The following FHDC1 variants were observed in gnomAD, a reference collection of about 807,000 sequenced individuals.
FHDC1 encodes the protein FH2 domain containing 1.
FHDC1 carries 25 observed loss-of-function variants against 52.6 expected under a neutral mutation model. The ratio of observed to expected loss-of-function variants is 0.48; its 90% CI spans 0.35 to 0.66. The LOEUF (loss-of-function observed/expected upper bound fraction) is 0.66, where lower values mean the gene tolerates loss of function less well. FHDC1 is among the 30% of genes least tolerant of loss of function. The probability of loss-of-function intolerance (pLI) is 0.01; values close to 1 mark genes in which losing one functional copy is unlikely to be tolerated. For synonymous variants in FHDC1, 616 were observed against 581.5 expected, an observed-to-expected ratio of 1.06 and a Z score of -0.85; for missense variants, 1,459 against 1,452.8, an observed-to-expected ratio of 1.00 and a Z score of -0.07.
rs759610313 is a variant in FHDC1 at position 152,975,308 on chromosome 4, C to G, written c.2017C>G (p.His673Asp). Reference protein sequence around the residue: ...LSPLALGIKEHELVTGLAQFN... With the variant: ...LSPLALGIKEDELVTGLAQFN... ...GCCATTGGCTCTGGGAATTAAGGAGCATGAGCTGGTGACAGGGCTGGCCCA... is the reference window on the plus strand; with the variant it reads ...GCCATTGGCTCTGGGAATTAAGGAGGATGAGCTGGTGACAGGGCTGGCCCA... Residue 673 changes from histidine (H) to aspartate (D), a missense_variant, in exon 12 of 12, where the codon CAT becomes GAT. This residue lies in a region of FHDC1 where 939 missense variants were observed against 854.5 expected (regional missense o/e 1.10). Coordinates refer to ENST00000511601, the MANE Select transcript of FHDC1 (RefSeq NM_001371116.1). 3 of 1,613,678 alleles carry G rather than the reference C, an allele frequency of 1.9e-6. No individual in the cohort carries two copies. In the South Asian group the frequency reaches 3.3e-5, roughly 18 times the overall value.
chr4:152,969,870 C>T (rs11099863), intron 10 of FHDC1, among the ~76,000 whole-genome samples: 88,600 of 151,878 alleles, frequency 0.58, 29,785 homozygotes, highest in Non-Finnish European at 0.75. Context: ...GGGGTTTCAC[C>T]GTGTTAGCCA....
intron 10 of FHDC1, among the ~76,000 whole-genome samples, chr4:152,970,732 C>T (rs1358989792): frequency 3.9e-5 from 6 of 152,314 alleles, no homozygotes; most frequent in Non-Finnish European, 7.4e-5. Context: ...TGGTTACTTT[C>T]TCTGGTATTT....
chr4:152,936,900 G>T (rs958958936), intron 1 of FHDC1, among the ~76,000 whole-genome samples: 1 of 152,282 alleles, frequency 6.6e-6, no homozygotes, highest in Non-Finnish European at 1.5e-5. Flanking sequence ...GCCACGCCTG[G>T]CCCCTGACAC....
At chr4:152,959,424 C>T (rs572077495) in intron 4 of FHDC1, among the ~76,000 whole-genome samples, 194 of 152,262 alleles carry the variant, frequency 1.3e-3, no homozygotes, top group African/African-American at 4.4e-3. Context: ...TCCTGTATTA[C>T]GGGTGAAGGA....
chr4:152,954,285 G>A lies in FHDC1; in HGVS notation c.629G>A (p.Arg210Gln), dbSNP rs371895499. The change falls in exon 4 of 12, where the codon CGA (arginine) becomes CAA (glutamine). Residue 210 changes from arginine (R) to glutamine (Q), a missense_variant. Physicochemically the swap from Arg to Gln is conservative, Grantham distance 43. Around this residue, in one of 3 missense-constraint regions of FHDC1, gnomAD observed 513 missense variants for 581.5 expected, o/e 0.88. Coordinates refer to ENST00000511601, the MANE Select transcript of FHDC1 (RefSeq NM_001371116.1). The stretch of plus-strand genomic sequence containing the variant: ...GAGCATTATGGATCAGAGACCTTGC[G>A]AGAATTTCTTAAGTTTTTGCCAGAG... ...KSEHYGSETL[R>Q]EFLKFLPESE... The A allele has an allele frequency of 4.0e-5, 65 of 1,613,998 alleles. No individual in the cohort carries two copies. Among genetic ancestry groups the A allele is most frequent in the Admixed American group, 1.0e-4 (6 of 60,004 alleles).
At chr4:152,969,442 A>G (rs1740567012) in intron 10 of FHDC1, among the ~76,000 whole-genome samples, 1 of 152,240 alleles carries the variant, frequency 6.6e-6, no homozygotes, top group Non-Finnish European at 1.5e-5. Flanking sequence ...CAGTAAACGA[A>G]TGCATTAAAC....
intron 2 of FHDC1, among the ~76,000 whole-genome samples, chr4:152,949,099 A>C (rs1417064666): frequency 1.3e-5 from 1 of 78,244 alleles, no homozygotes; most frequent in African/African-American, 5.5e-5. Context: ...AGTAATAATA[A>C]TAATAATAAT....
intron 2 of FHDC1, among the ~76,000 whole-genome samples, chr4:152,947,071 T>G (rs901173459): frequency 1.3e-5 from 2 of 151,850 alleles, no homozygotes; most frequent in South Asian, 4.2e-4. Flanking sequence ...ATACAAACAT[T>G]AGCCGGGCAT....
At position 152,976,066 on chromosome 4, in the gene FHDC1, G is replaced by C. The variant is rs1172669714; in HGVS notation, c.2775G>C (p.Arg925=). 1 of 1,600,168 alleles carries C rather than the reference G, an allele frequency of 6.2e-7. No individual in the cohort carries two copies. Among genetic ancestry groups the C allele is most frequent in the Non-Finnish European group, 8.5e-7 (1 of 1,174,000 alleles). The part of the protein sequence containing the change: ...AGWRRPELSS[R]GPSQNPPSST... ...GGAGGCGACCAGAGCTGTCATCCCGGGGGCCCTCCCAGAATCCCCCCAGCA... is the reference window on the plus strand; with the variant it reads ...GGAGGCGACCAGAGCTGTCATCCCGCGGGCCCTCCCAGAATCCCCCCAGCA... Residue 925 remains arginine (R), a synonymous_variant, in exon 12 of 12, where the codon CGG becomes CGC. Transcript: ENST00000511601.
chr4:152,927,334 C>T, the FHDC1 span: 43 of 686,160 alleles, frequency 6.3e-5, no homozygotes, highest in Non-Finnish European at 1.1e-4. Context: ...AACCTCCACT[C>T]AGAATCCCGT....
intron 6 of FHDC1, 96 bp from the exon 7 acceptor site, chr4:152,962,718 G>T: frequency 1.0e-6 from 1 of 958,600 alleles, no homozygotes. Flanking sequence ...GTCACAGTTT[G>T]CTTCAGATAC....
At chr4:152,945,809 A>T (rs1739713722) in intron 2 of FHDC1, among the ~76,000 whole-genome samples, 1 of 152,154 alleles carries the variant, frequency 6.6e-6, no homozygotes, top group Non-Finnish European at 1.5e-5. Context: ...TTGTTGTGCA[A>T]CCATCACCAC....
upstream of FHDC1, among the ~76,000 whole-genome samples, chr4:152,934,670 G>A (rs1056462197): frequency 6.6e-6 from 1 of 152,204 alleles, no homozygotes; most frequent in East Asian, 1.9e-4. Flanking sequence ...CCTTGTTACT[G>A]TCCTCAAAGG....
intron 11 of FHDC1, 41 bp from the exon 12 acceptor site, chr4:152,974,634 C>T (rs774793164): frequency 2.7e-6 from 4 of 1,501,840 alleles, no homozygotes; most frequent in Non-Finnish European, 2.7e-6. Context: ...ACATTGGTCC[C>T]ACATGTCTCA....
chr4:152,954,306 C>G lies in FHDC1; in HGVS notation c.650C>G (p.Pro217Arg), dbSNP rs760423698. ...ETLREFLKFLPESEEVKKLKA... is the reference protein window; with the variant it reads ...ETLREFLKFLRESEEVKKLKA... Reference sequence around the variant, plus strand: ...TTGCGAGAATTTCTTAAGTTTTTGCCAGAGTCAGAAGAGGTAAGAAATTCA... The same window carrying G: ...TTGCGAGAATTTCTTAAGTTTTTGCGAGAGTCAGAAGAGGTAAGAAATTCA... The change falls in exon 4 of 12, where the codon CCA becomes CGA. Residue 217 changes from proline to arginine, a missense_variant. Coordinates refer to ENST00000511601, the MANE Select transcript of FHDC1 (RefSeq NM_001371116.1). 6.2e-7 allele frequency: 1 copy of G among 1,613,566 alleles called. No homozygotes were observed. Among genetic ancestry groups the G allele is most frequent in the African/African-American group, 1.3e-5 (1 of 74,898 alleles).
chr4:152,958,351 A>G (rs550819802), intron 4 of FHDC1, among the ~76,000 whole-genome samples: 2 of 152,198 alleles, frequency 1.3e-5, no homozygotes, highest in Admixed American at 1.3e-4. Context: ...GGGTCTGTTC[A>G]CCTTTCTTTT....
intron 2 of FHDC1, among the ~76,000 whole-genome samples, chr4:152,949,671 G>A (rs926852374): frequency 2.0e-5 from 3 of 152,238 alleles, no homozygotes; most frequent in African/African-American, 7.2e-5. Context: ...TAGCAAGAGT[G>A]ATGGTGTAGC....
intron 11 of FHDC1, among the ~76,000 whole-genome samples, chr4:152,973,762 CAAT>C (rs1740749119): frequency 6.6e-6 from 1 of 152,224 alleles, no homozygotes; most frequent in Non-Finnish European, 1.5e-5. Context: ...AAACTGCTAA[CAAT>C]AACACATTTG....
intron 8 of FHDC1, among the ~76,000 whole-genome samples, chr4:152,963,782 T>TG (rs1740365434): frequency 5.3e-5 from 6 of 113,344 alleles, no homozygotes; most frequent in African/African-American, 1.8e-4. Flanking sequence ...TTTTTTTTTT[T>TG]TTTTTTTTTT....
Sources: allele counts gnomAD v4.1 joint callset (sites outside exome capture counted in the v4.1 genomes callset), GRCh38; gene constraint gnomAD v4.1.1; regional missense constraint gnomAD v4.1.1; transcripts MANE v1.5; gene names NCBI Gene and HGNC (gene_info 2026-07-23, HGNC 2026-07-21).